Variants in LRRC4C observed in about 807,000 individuals in gnomAD.
The protein encoded by LRRC4C is leucine-rich repeat-containing protein 4C.
LRRC4C carries 5 observed loss-of-function variants against 33.6 expected under a neutral mutation model. That is an observed-to-expected ratio of 0.15 (90% CI 0.08 to 0.31). The LOEUF is 0.31. LRRC4C is among the 10% of genes least tolerant of loss of function. The pLI is 1.00. For missense variants in LRRC4C, 560 were observed against 796.7 expected (o/e 0.70, Z 3.58); for synonymous variants, 329 against 302.0 (o/e 1.09, Z -0.93).
chr11:40,880,703 G>A (rs1955128713), intron 2 of LRRC4C, among the ~76,000 whole-genome samples: 1 of 151,604 alleles, frequency 6.6e-6, no homozygotes, highest in African/African-American at 2.4e-5. Flanking sequence ...TAATTTCAAA[G>A]GAGTGTTAAG....
intron 1 of LRRC4C, among the ~76,000 whole-genome samples, chr11:41,386,663 G>A (rs1953373358): frequency 6.6e-6 from 1 of 151,668 alleles, no homozygotes; most frequent in Non-Finnish European, 1.5e-5. Flanking sequence ...CTACATTTCT[G>A]TAGCTTATCA....
In LRRC4C at chr11:40,115,554, T is replaced by G; in HGVS notation, c.739A>C (p.Lys247Gln). Residue 247 changes from lysine (K) to glutamine (Q), a missense_variant, in exon 7 of 7, where the codon AAA (lysine) becomes CAA (glutamine). Physicochemically the swap from Lys to Gln is moderately conservative, Grantham distance 53 (BLOSUM62 1). Coordinates refer to ENST00000528697, the MANE Select transcript of LRRC4C (RefSeq NM_001258419.2). The surrounding 1 kb of genome is among the most constrained non-coding windows in gnomAD (Gnocchi z 6.7). ...GSFQGLMHLQKLWMIQSQIQV... is the reference protein window; with the variant it reads ...GSFQGLMHLQQLWMIQSQIQV... Reference sequence around the variant, plus strand: ...ATCTGGGACTGTATCATCCACAGTTTTTGAAGGTGCATCAAACCCTGGAAA... The same window carrying G: ...ATCTGGGACTGTATCATCCACAGTTGTTGAAGGTGCATCAAACCCTGGAAA... 1 of 1,614,176 alleles carries G rather than the reference T, an allele frequency of 6.2e-7. No homozygotes were observed.
chr11:40,346,690 CT>C (rs1237840849), intron 3 of LRRC4C, among the ~76,000 whole-genome samples: 1 of 152,140 alleles, frequency 6.6e-6, no homozygotes, highest in Non-Finnish European at 1.5e-5. Context: ...ACATGTGCCC[CT>C]GAACTTAAAA....
At chr11:41,269,774 G>A (rs1358734886) in intron 1 of LRRC4C, among the ~76,000 whole-genome samples, 11 of 152,088 alleles carry the variant, frequency 7.2e-5, no homozygotes, top group African/African-American at 2.7e-4. Context: ...GTTTCTAAAT[G>A]TCTTCAGCAT....
intron 2 of LRRC4C, among the ~76,000 whole-genome samples, chr11:40,794,613 T>C (rs981509135): frequency 6.6e-6 from 1 of 152,128 alleles, no homozygotes; most frequent in Non-Finnish European, 1.5e-5. Flanking sequence ...TACAAATAAA[T>C]AGGTTTCTAT....
chr11:41,265,113 T>C (rs7129043), intron 1 of LRRC4C, among the ~76,000 whole-genome samples: 151,854 of 152,248 alleles, frequency 1, 75,731 homozygotes, highest in East Asian at 1. Context: ...ATGAACAGAA[T>C]AGTCAATATG....
At chr11:41,241,441 A>ATATACACTC (rs1948246747) in intron 1 of LRRC4C, among the ~76,000 whole-genome samples, 1 of 152,106 alleles carries the variant, frequency 6.6e-6, no homozygotes, top group East Asian at 1.9e-4. Context: ...TGTCCAGGTC[A>ATATACACTC]AAGTAGGTGT....
chr11:40,336,161 A>G lies in LRRC4C; in HGVS notation c.-269-16440T>C, dbSNP rs186541966. Among the ~76,000 whole-genome samples, 19 of 152,318 alleles carry G rather than the reference A, an allele frequency of 1.2e-4. No individual in the cohort carries two copies. In the East Asian group the frequency reaches 2.5e-3, roughly 20 times the overall value. On this transcript the variant is annotated intron_variant, in intron 3 of 6. Transcript: ENST00000528697. ...CAGTCAAAACAAAATCCCTGCCTGC[A>G]TGAAATTTACCTTCTAACGTAACTG...
At chr11:40,297,387 T>C (rs2136638198) in intron 4 of LRRC4C, among the ~76,000 whole-genome samples, 1 of 152,332 alleles carries the variant, frequency 6.6e-6, no homozygotes, top group African/African-American at 2.4e-5. Context: ...TGAATTAATT[T>C]CATTAAAACA....
intron 1 of LRRC4C, among the ~76,000 whole-genome samples, chr11:40,949,122 T>G (rs1215240976): frequency 7.5e-6 from 1 of 133,834 alleles, no homozygotes; most frequent in African/African-American, 3.0e-5. Context: ...TGGCCAGTGA[T>G]GGTGAGCATT....
intron 3 of LRRC4C, among the ~76,000 whole-genome samples, chr11:40,533,337 G>A (rs973714769): frequency 5.9e-5 from 9 of 152,116 alleles, no homozygotes; most frequent in Admixed American, 5.9e-4. Flanking sequence ...TGAATTTGGG[G>A]ACTGGAGAAC....
intron 3 of LRRC4C, among the ~76,000 whole-genome samples, chr11:40,640,656 A>G (rs1942052100): frequency 6.6e-6 from 1 of 152,166 alleles, no homozygotes; most frequent in African/African-American, 2.4e-5. Flanking sequence ...ACCAATATAT[A>G]TTTTTAAATG....
At chr11:41,346,198 C>T (rs1215199895) in intron 1 of LRRC4C, among the ~76,000 whole-genome samples, 2 of 152,136 alleles carry the variant, frequency 1.3e-5, no homozygotes, top group African/African-American at 2.4e-5. Flanking sequence ...AGAGGAATCG[C>T]AGTGTCAGTC....
intron 2 of LRRC4C, among the ~76,000 whole-genome samples, chr11:40,921,610 A>G (rs959938975): frequency 4.6e-5 from 7 of 152,152 alleles, no homozygotes; most frequent in Admixed American, 2.0e-4. Context: ...TGTTTTTTTC[A>G]ACAAATTTTA....
chr11:40,919,517 T>C (rs1052940687), intron 2 of LRRC4C, among the ~76,000 whole-genome samples: 4 of 152,150 alleles, frequency 2.6e-5, no homozygotes, highest in Non-Finnish European at 5.9e-5. Flanking sequence ...GTCTCTCAGC[T>C]ATTCTTTCTA....
chr11:40,900,659 T>A (rs1956160408), intron 2 of LRRC4C, among the ~76,000 whole-genome samples: 1 of 151,728 alleles, frequency 6.6e-6, no homozygotes, highest in Non-Finnish European at 1.5e-5. Flanking sequence ...AAGAACTATA[T>A]CAATATCAAC....
At chr11:40,120,389 A>G (rs1425255458) in intron 6 of LRRC4C, among the ~76,000 whole-genome samples, 1 of 152,146 alleles carries the variant, frequency 6.6e-6, no homozygotes, top group African/African-American at 2.4e-5. Flanking sequence ...TAACTCTTTT[A>G]TATTTCCATT....
chr11:41,080,697 A>G (rs192952114), intron 1 of LRRC4C, among the ~76,000 whole-genome samples: 1 of 152,082 alleles, frequency 6.6e-6, no homozygotes, highest in Non-Finnish European at 1.5e-5. Flanking sequence ...CAAGATTTCA[A>G]AAAAAATTAT....
chr11:40,619,709 A>G (rs1468574842), intron 3 of LRRC4C, among the ~76,000 whole-genome samples: 1 of 151,466 alleles, frequency 6.6e-6, no homozygotes, highest in Admixed American at 6.6e-5. Context: ...CCCTCTTGGT[A>G]TGTTTTTGCT....
Sources: gnomAD v4.1 joint callset for allele counts (sites outside exome capture counted in the v4.1 genomes callset) on GRCh38, gnomAD v4.1.1 for gene constraint, Gnocchi (gnomAD v3.1) non-coding constraint, MANE v1.5 for transcripts, NCBI Gene and HGNC (gene_info 2026-07-23, HGNC 2026-07-21) for gene names.